Variants in DNAJC6 observed in about 807,000 individuals in gnomAD.
DNAJC6 encodes DnaJ heat shock protein family (Hsp40) member C6.
In DNAJC6, 34 loss-of-function variants were observed where a neutral mutation model predicts 110.0. The ratio of observed to expected loss-of-function variants is 0.31; its 90% CI spans 0.24 to 0.41. The LOEUF (loss-of-function observed/expected upper bound fraction) is 0.41, where lower values mean the gene tolerates loss of function less well. DNAJC6 is among the 10% of genes least tolerant of loss of function. DNAJC6 has a pLI of 1.00. For missense variants in DNAJC6, 1,031 were observed against 1,207.8 expected, an observed-to-expected ratio of 0.85 and a Z score of 2.17; for synonymous variants, 406 against 437.2, an observed-to-expected ratio of 0.93 and a Z score of 0.89.
chr1:65,347,469 T>C (rs549038800), intron 1 of DNAJC6, among the ~76,000 whole-genome samples: 1 of 152,196 alleles, frequency 6.6e-6, no homozygotes, highest in African/African-American at 2.4e-5. Context: ...GGTTTCTTTC[T>C]GATGCTCTTT....
chr1:65,345,748 G>A, intron 1 of DNAJC6: 4 of 907,886 alleles, frequency 4.4e-6, no homozygotes, highest in Non-Finnish European at 5.3e-6. Flanking sequence ...TTGGCCTTTG[G>A]GATTTAGCCC....
intron 1 of DNAJC6, among the ~76,000 whole-genome samples, chr1:65,354,177 T>C (rs1220518739): frequency 6.6e-6 from 1 of 152,130 alleles, no homozygotes; most frequent in Non-Finnish European, 1.5e-5. Flanking sequence ...GCAAGCTGAC[T>C]GCTCTGAGTC....
intron 16 of DNAJC6, among the ~76,000 whole-genome samples, chr1:65,408,156 T>G (rs760203326): frequency 1.3e-5 from 2 of 152,196 alleles, no homozygotes; most frequent in African/African-American, 2.4e-5. Context: ...CTAGCCACCA[T>G]GCTCGGCTGC....
chr1:65,398,665 G>T lies in DNAJC6; in HGVS notation c.2039-148G>T, dbSNP rs182765154. On this transcript the variant is annotated intron_variant, in intron 13 of 18. Coordinates refer to ENST00000371069, the MANE Select transcript of DNAJC6 (RefSeq NM_001256864.2). ...AACATATTGAATGTTGCAGAGTGTG[G>T]CAAGAACTCAGAAGGAGGAGTGGAT... The T allele has an allele frequency of 2.2e-3, 1,537 of 713,566 alleles. 3 individuals are homozygous for T. The highest frequency in any genetic ancestry group is 3.2e-3 in the Non-Finnish European group (1,356 of 421,050). 44.2% of individuals were successfully genotyped at this position (713,566 alleles called of 1,614,324 possible). A position where few individuals can be genotyped will look rare whatever the true frequency, so the allele number is the denominator to read the frequency against.
At position 65,309,940 on chromosome 1, in the gene DNAJC6, T is replaced by C; in HGVS notation, c.193+2T>C. On this transcript the variant is annotated splice_donor_variant, in intron 1 of 18. Coordinates refer to ENST00000371069, the MANE Select transcript of DNAJC6 (RefSeq NM_001256864.2). LOFTEE classifies it high-confidence loss of function. ...GCGCCAGCACCATGGACAGCTCAGG[T>C]AGCGCTGCCCGAGGGGAGTGCAGCG... The C allele has an allele frequency of 6.9e-7, 1 of 1,459,684 alleles. No individual in the cohort carries two copies. Among genetic ancestry groups the C allele is most frequent in the South Asian group, 1.4e-5 (1 of 72,116 alleles). The allele number at this position is 1,459,684 out of a possible 1,614,324, so 90.4% of individuals were successfully genotyped here. A position where few individuals can be genotyped will look rare whatever the true frequency, so the allele number is the denominator to read the frequency against.
At chr1:65,372,410 C>T (rs182537257) in intron 4 of DNAJC6, among the ~76,000 whole-genome samples, 1 of 152,128 alleles carries the variant, frequency 6.6e-6, no homozygotes, top group Admixed American at 6.6e-5. Flanking sequence ...ACCTGCTGAG[C>T]ACCTACCATA....
chr1:65,392,844 C>T lies in DNAJC6; in HGVS notation c.1882C>T (p.Pro628Ser). The T allele has an allele frequency of 6.5e-7, 1 of 1,532,784 alleles. No homozygotes were observed. Among genetic ancestry groups the T allele is most frequent in the Non-Finnish European group, 8.8e-7 (1 of 1,141,898 alleles). The allele number at this position is 1,532,784 out of a possible 1,614,324, so 94.9% of individuals were successfully genotyped here. Residue 628 changes from proline to serine, a missense_variant, in exon 12 of 19, where the codon CCA (proline) becomes TCA (serine). Coordinates refer to ENST00000371069, the MANE Select transcript of DNAJC6 (RefSeq NM_001256864.2). ...CTCTGCCACCTCCACCTCTGCGTCT[C>T]CAACCCTAAGAGTGGGAGAAGGTAA... is the stretch of plus-strand genomic sequence containing the variant. ...RRSATSTSAS[P>S]TLRVGEGATF...
At chr1:65,324,874 C>A (rs966177614) in intron 1 of DNAJC6, among the ~76,000 whole-genome samples, 3 of 152,158 alleles carry the variant, frequency 2.0e-5, no homozygotes, top group Non-Finnish European at 4.4e-5. Flanking sequence ...CAGCTCCTCA[C>A]AACAAAGAAC....
chr1:65,315,828 C>T (rs1489611173), intron 1 of DNAJC6, among the ~76,000 whole-genome samples: 4 of 152,080 alleles, frequency 2.6e-5, no homozygotes, highest in East Asian at 1.9e-4. Flanking sequence ...AATGCCCATA[C>T]GATTGCAAAT....
intron 1 of DNAJC6, among the ~76,000 whole-genome samples, chr1:65,354,049 G>T (rs1253482293): frequency 6.6e-6 from 1 of 152,022 alleles, no homozygotes; most frequent in African/African-American, 2.4e-5. Context: ...CTTACTGTGT[G>T]CCATATATTG....
At chr1:65,350,470 C>G (rs1409349728) in intron 1 of DNAJC6, among the ~76,000 whole-genome samples, 1 of 152,108 alleles carries the variant, frequency 6.6e-6, no homozygotes, top group Non-Finnish European at 1.5e-5. Flanking sequence ...GGTTCTATTT[C>G]TATTTACTGC....
Position 65,405,900 on chromosome 1 carries a change from C to T in DNAJC6, c.2258C>T (p.Thr753Ile). 6.2e-7 allele frequency: 1 copy of T among 1,611,646 alleles called. No individual in the cohort carries two copies. The highest frequency in any genetic ancestry group is 8.5e-7 in the Non-Finnish European group (1 of 1,178,356). ...GSSSFASKPT[T>I]PTGLGGGFPP... The stretch of plus-strand genomic sequence containing the variant: ...TCTTCCTTTGCCAGCAAACCCACCA[C>T]ACCAACTGGATTGGGTGGAGGATTC... The change falls in exon 16 of 19, where the codon ACA (threonine) becomes ATA (isoleucine). Residue 753 changes from threonine (T) to isoleucine (I), a missense_variant. Coordinates refer to ENST00000371069, the MANE Select transcript of DNAJC6 (RefSeq NM_001256864.2).
Position 65,269,258 on chromosome 1 carries a change from C to T in DNAJC6, c.-131+4326C>T, listed in dbSNP as rs191073846. ...TGGCATGCACCTGTAATCCCAGCTA[C>T]TGGGGAGGCTGAGACAAGAGAATCG... On this transcript the variant is annotated intron_variant, in intron 1 of 19. Coordinates refer to the DNAJC6 transcript ENST00000263441. Among the ~76,000 whole-genome samples the T allele has an allele frequency of 5.3e-5, 8 of 151,894 alleles. No individual in the cohort carries two copies. In the East Asian group the frequency reaches 1.6e-3, roughly 29 times the overall value.
chr1:65,415,595 G>A lies in DNAJC6; in HGVS notation c.*2570G>A, dbSNP rs916393657. 4 of 152,064 alleles carry A rather than the reference G, an allele frequency of 2.6e-5. No homozygotes were observed. The highest frequency in any genetic ancestry group is 6.6e-5 in the Admixed American group (1 of 15,254). The allele number at this position is 152,064 out of a possible 1,614,324, so 9.4% of individuals were successfully genotyped here. A position where few individuals can be genotyped will look rare whatever the true frequency, so the allele number is the denominator to read the frequency against. ...AAAATCAAAGGATTTTCAAAAAAAC[G>A]AATCTGTATGTTGAGGCAAAAGGAT... On this transcript the variant is annotated 3_prime_UTR_variant, in exon 19 of 19. Coordinates refer to ENST00000371069, the MANE Select transcript of DNAJC6 (RefSeq NM_001256864.2).
At chr1:65,306,204 C>A (rs1279263044), upstream of DNAJC6, among the ~76,000 whole-genome samples, 1 of 151,592 alleles carries the variant, frequency 6.6e-6, no homozygotes, top group Non-Finnish European at 1.5e-5. Flanking sequence ...CCTGCCACCA[C>A]GCCTGGTTAT....
Position 65,298,037 on chromosome 1 carries a change from CT to C in DNAJC6, c.-131+33108del, listed in dbSNP as rs1169305376. Among the ~76,000 whole-genome samples, 11 of 87,742 alleles carry C rather than the reference CT, an allele frequency of 1.3e-4. No homozygotes were observed. In the Admixed American group the frequency reaches 1.4e-3, roughly 11 times the overall value. The allele number at this position is 87,742 out of a possible 152,430, so 57.6% of individuals were successfully genotyped here. ...GGCTCCCCCTACGTGCCAAATCATC[CT>C]TTAAAAAAAACCCTAGTGTCTGAAT... On this transcript the variant is annotated intron_variant, in intron 1 of 19. Transcript: ENST00000263441.
At chr1:65,311,402 T>A (rs1645100582) in intron 1 of DNAJC6, among the ~76,000 whole-genome samples, 1 of 152,006 alleles carries the variant, frequency 6.6e-6, no homozygotes, top group African/African-American at 2.4e-5. Flanking sequence ...TTTTTGTACT[T>A]TTAGTAGAGA....
rs916872480 is a variant in DNAJC6, at chr1:65,309,909, C to A, written c.164C>A (p.Pro55Gln). The change falls in exon 1 of 19, where the codon CCG (proline) becomes CAG (glutamine). Residue 55 changes from proline to glutamine, a missense_variant. Transcript: ENST00000371069. ...AAARSPARQPPDRASTMDSSG... is the reference protein window; with the variant it reads ...AAARSPARQPQDRASTMDSSG... ...GCGCGGAGTCCCGCCCGACAGCCTCCGGACCGCGCCAGCACCATGGACAGC... is the reference window on the plus strand; with the variant it reads ...GCGCGGAGTCCCGCCCGACAGCCTCAGGACCGCGCCAGCACCATGGACAGC... 7.2e-6 allele frequency: 11 copies of A among 1,536,054 alleles called. No individual in the cohort carries two copies. In the African/African-American group the frequency reaches 1.1e-4, roughly 16 times the overall value.
chr1:65,379,359 A>T lies in DNAJC6; in HGVS notation c.544-43A>T, dbSNP rs2296480. The T allele has an allele frequency of 0.13, 208,564 of 1,607,232 alleles. 32,523 individuals carry two copies. Among genetic ancestry groups the T allele is most frequent in the East Asian group, 0.63 (28,360 of 44,728 alleles). The stretch of plus-strand genomic sequence containing the variant: ...GTGTGATAACCTGCTTATGAAGAGG[A>T]AGTTGCTGGAGGAATTAATTTCCTT... On this transcript the variant is annotated intron_variant, in intron 4 of 18. Coordinates refer to ENST00000371069, the MANE Select transcript of DNAJC6 (RefSeq NM_001256864.2).
Sources: gnomAD v4.1 joint callset for allele counts (sites outside exome capture counted in the v4.1 genomes callset) on GRCh38, gnomAD v4.1.1 for gene constraint, MANE v1.5 for transcripts, NCBI Gene and HGNC (gene_info 2026-07-23, HGNC 2026-07-21) for gene names.